Variants in ANKRD42 observed in about 807,000 individuals in gnomAD.
ANKRD42 encodes ankyrin repeat domain 42.
A neutral mutation model predicts 51.5 loss-of-function variants in ANKRD42; 43 were observed. The ratio of observed to expected loss-of-function variants is 0.83; its 90% CI spans 0.65 to 1.08. The LOEUF is 1.08. Among genes scored for constraint, ANKRD42 ranks in the 50% least tolerant of loss-of-function variants. ANKRD42 has a pLI of 0.00. For missense variants in ANKRD42, 608 were observed against 629.3 expected, an observed-to-expected ratio of 0.97 and a Z score of 0.36; for synonymous variants, 203 against 213.0, an observed-to-expected ratio of 0.95 and a Z score of 0.41.
chr11:83,196,367 T>C lies in ANKRD42; in HGVS notation c.58+1639T>C, dbSNP rs185009270. Among the ~76,000 whole-genome samples the C allele has an allele frequency of 5.9e-5, 9 of 151,824 alleles. No individual in the cohort carries two copies. In the East Asian group the frequency reaches 1.8e-3, roughly 30 times the overall value. ...TAGCCTATTTATCCCCTTAATACTT[T>C]AGTAGTAGGATTTGTGTGTGAGTGT... On this transcript the variant is annotated intron_variant, in intron 1 of 10. Transcript: ENST00000533342.
Position 83,194,668 on chromosome 11 carries a change from G to T in ANKRD42, c.-3G>T. ...TCCTCCCCAGAGTCGGAGGTGTTGCGCCATGCCCGGGGTGGCCAATTCAGG... is the reference window on the plus strand; with the variant it reads ...TCCTCCCCAGAGTCGGAGGTGTTGCTCCATGCCCGGGGTGGCCAATTCAGG... On this transcript the variant is annotated 5_prime_UTR_variant, in exon 1 of 11. Coordinates refer to ENST00000533342, the MANE Select transcript of ANKRD42 (RefSeq NM_001300975.2). The T allele has an allele frequency of 1.2e-6, 2 of 1,613,858 alleles. No homozygotes were observed. The highest frequency in any genetic ancestry group is 1.7e-6 in the Non-Finnish European group (2 of 1,179,974).
rs1003226813 is a variant in ANKRD42, at chr11:83,210,335, G to A, written c.366G>A (p.Gln122=). The A allele has an allele frequency of 1.3e-5, 21 of 1,613,756 alleles. No homozygotes were observed. The highest frequency in any genetic ancestry group is 1.7e-5 in the Non-Finnish European group (20 of 1,179,840). The change falls in exon 4 of 11, where the codon CAG becomes CAA. Residue 122 remains glutamine (Q), a synonymous_variant. Coordinates refer to ENST00000533342, the MANE Select transcript of ANKRD42 (RefSeq NM_001300975.2). ...TGAATGGAGCAAATCTGACAGCCCA[G>A]GATGACCGGGGATGCACTCCTTTAC... The part of the protein sequence containing the change: ...LIMNGANLTA[Q]DDRGCTPLHL...
At chr11:83,213,552 A>AT in intron 5 of ANKRD42, 2 of 1,241,640 alleles carry the variant, frequency 1.6e-6, no homozygotes, top group African/African-American at 1.5e-5. Context: ...TGGTATTATT[A>AT]GTTTTTTTTT....
intron 5 of ANKRD42, chr11:83,214,116 C>G (rs1862434937): frequency 6.6e-6 from 1 of 152,240 alleles, no homozygotes; most frequent in Admixed American, 6.5e-5. Flanking sequence ...GTCTTGAACT[C>G]CTGACCTTGT....
chr11:83,212,724 A>G (rs945642515), intron 5 of ANKRD42: 2 of 1,536,006 alleles, frequency 1.3e-6, no homozygotes, highest in African/African-American at 2.7e-5. Context: ...TTTGGCACCT[A>G]CCTACCTGCA....
At chr11:83,213,229 G>A in intron 5 of ANKRD42, 16 of 1,598,970 alleles carry the variant, frequency 1.0e-5, no homozygotes, top group Non-Finnish European at 1.4e-5. Context: ...CTGACTTCTG[G>A]AAGTTCCTGG....
intron 9 of ANKRD42, among the ~76,000 whole-genome samples, chr11:83,241,862 A>G (rs1236033078): frequency 6.6e-6 from 1 of 152,208 alleles, no homozygotes; most frequent in Non-Finnish European, 1.5e-5. Context: ...GGAAAAGAGC[A>G]TAGCATTTCA....
rs1190252735 is a variant in ANKRD42, at chr11:83,248,709, T to TA, written c.*510dup. 7 of 973,972 alleles carry TA rather than the reference T, an allele frequency of 7.2e-6. No homozygotes were observed. The highest frequency in any genetic ancestry group is 8.5e-6 in the Non-Finnish European group (7 of 819,666). The allele number at this position is 973,972 out of a possible 1,614,324, so 60.3% of individuals were successfully genotyped here. On this transcript the variant is annotated 3_prime_UTR_variant, in exon 11 of 11. Coordinates refer to ENST00000533342, the MANE Select transcript of ANKRD42 (RefSeq NM_001300975.2). ...TCATTGGTCTCTTTAATAACCACTT[T>TA]AAAAATATTAAAATAATAAAACATG... is the stretch of plus-strand genomic sequence containing the variant.
chr11:83,258,960 C>T (rs1863822817), downstream of ANKRD42: 1 of 152,086 alleles, frequency 6.6e-6, no homozygotes, highest in Admixed American at 6.5e-5. Flanking sequence ...GTAGCTAATC[C>T]TTGTGGAGGC....
chr11:83,202,612 C>T (rs868683166), intron 2 of ANKRD42, among the ~76,000 whole-genome samples: 3 of 152,224 alleles, frequency 2.0e-5, no homozygotes, highest in South Asian at 2.1e-4. Flanking sequence ...CTGCCTGTCT[C>T]ATCTCTTCCC....
At chr11:83,255,030 T>C (rs1354997178) in intron 11 of ANKRD42, among the ~76,000 whole-genome samples, 7 of 152,238 alleles carry the variant, frequency 4.6e-5, no homozygotes, top group African/African-American at 1.4e-4. Flanking sequence ...TCACACACTA[T>C]TGAGTTAAAC....
At chr11:83,213,539 A>G in intron 5 of ANKRD42, 10 of 1,277,710 alleles carry the variant, frequency 7.8e-6, no homozygotes, top group South Asian at 1.7e-5. Context: ...CCATTTTCAC[A>G]TATGGTATTA....
At chr11:83,236,299 T>G (rs751249337) in intron 7 of ANKRD42, 105 bp from the exon 8 acceptor site, 5 of 747,404 alleles carry the variant, frequency 6.7e-6, no homozygotes, top group Non-Finnish European at 1.1e-5. Flanking sequence ...GGATCAATAC[T>G]TAACTAAGTA....
At chr11:83,240,452 G>T (rs1591005376) in intron 8 of ANKRD42, among the ~76,000 whole-genome samples, 1 of 152,194 alleles carries the variant, frequency 6.6e-6, no homozygotes, top group African/African-American at 2.4e-5. Flanking sequence ...ATTCAGTTGA[G>T]CAGCTCTGCT....
Position 83,201,892 on chromosome 11 carries a change from GC to G in ANKRD42, c.222+3253del, listed in dbSNP as rs565454358. On this transcript the variant is annotated intron_variant, in intron 2 of 10. Transcript: ENST00000533342. ...AGTTTCTTGTAGATTCTAGATGTTA[GC>G]CCTTTGTCAGATGGATAGATTGCAC... Among the ~76,000 whole-genome samples, 823 of 152,132 alleles carry G rather than the reference GC, an allele frequency of 5.4e-3. 6 individuals carry two copies. Among genetic ancestry groups the G allele is most frequent in the Non-Finnish European group, 8.2e-3 (560 of 68,004 alleles).
At chr11:83,232,072 G>A (rs1046297218) in intron 7 of ANKRD42, among the ~76,000 whole-genome samples, 12 of 149,480 alleles carry the variant, frequency 8.0e-5, no homozygotes, top group African/African-American at 3.0e-4. Context: ...GGCTACTCTG[G>A]GTCTTTTGTG....
intron 7 of ANKRD42, among the ~76,000 whole-genome samples, chr11:83,231,731 A>G (rs1429069953): frequency 6.6e-6 from 1 of 152,188 alleles, no homozygotes; most frequent in East Asian, 1.9e-4. Context: ...ATTTTTGTAT[A>G]TGGTGAGAGA....
At chr11:83,231,440 TTATGTATTTTGG>T in intron 7 of ANKRD42, among the ~76,000 whole-genome samples, 1 of 152,336 alleles carries the variant, frequency 6.6e-6, no homozygotes, top group Admixed American at 6.5e-5. Flanking sequence ...TTTGAGTTTC[TTATGTATTTTGG>T]TTATTAATCC....
At chr11:83,241,193 G>A (rs755346124) in intron 9 of ANKRD42, among the ~76,000 whole-genome samples, 1 of 152,130 alleles carries the variant, frequency 6.6e-6, no homozygotes, top group Non-Finnish European at 1.5e-5. Flanking sequence ...GTGGATCAAG[G>A]AAACAGGGCA....
Sources: allele counts gnomAD v4.1 joint callset (sites outside exome capture counted in the v4.1 genomes callset), GRCh38; gene constraint gnomAD v4.1.1; transcripts MANE v1.5; gene names NCBI Gene and HGNC (gene_info 2026-07-23, HGNC 2026-07-21).